Variants in HMCN1 observed in about 807,000 individuals in gnomAD.
The protein encoded by HMCN1 is hemicentin-1.
HMCN1 carries 321 observed loss-of-function variants against 625.9 expected under a neutral mutation model. That is an observed-to-expected ratio of 0.51 (90% CI 0.47 to 0.56). The LOEUF (loss-of-function observed/expected upper bound fraction) is 0.56, where lower values mean the gene tolerates loss of function less well. Ranked by LOEUF, HMCN1 falls within the 20% of genes least tolerant of loss-of-function variation. The pLI is 0.00. For synonymous variants in HMCN1, 2,425 were observed against 2,417.6 expected (o/e 1.00, Z -0.09); for missense variants, 6,588 against 6,887.3 (o/e 0.96, Z 1.54).
chr1:186,160,744 T>C (rs1651404890), intron 97 of HMCN1, among the ~76,000 whole-genome samples: 1 of 152,176 alleles, frequency 6.6e-6, no homozygotes, highest in African/African-American at 2.4e-5. Flanking sequence ...AGTGAGTTTC[T>C]TAATCCTGAG....
At chr1:185,778,459 T>G (rs1345079923) in intron 1 of HMCN1, among the ~76,000 whole-genome samples, 1 of 151,436 alleles carries the variant, frequency 6.6e-6, no homozygotes, top group Non-Finnish European at 1.5e-5. Context: ...AACTCGTCAT[T>G]TACATTAGAT....
intron 30 of HMCN1, among the ~76,000 whole-genome samples, chr1:186,008,576 A>G (rs865973042): frequency 5.9e-5 from 9 of 152,132 alleles, no homozygotes; most frequent in Middle Eastern, 3.2e-3. Context: ...AGTAATTAAT[A>G]AGAGTTTGTG....
At chr1:185,794,152 G>T (rs1295793266) in intron 1 of HMCN1, among the ~76,000 whole-genome samples, 2 of 151,776 alleles carry the variant, frequency 1.3e-5, no homozygotes, top group Non-Finnish European at 2.9e-5. Flanking sequence ...TTGCCATTTT[G>T]TTTTTCACCT....
chr1:185,813,393 G>A (rs977936059), intron 1 of HMCN1, among the ~76,000 whole-genome samples: 2 of 152,072 alleles, frequency 1.3e-5, no homozygotes, highest in African/African-American at 2.4e-5. Flanking sequence ...GAAACAGTAC[G>A]ATGTCAGTGT....
intron 1 of HMCN1, among the ~76,000 whole-genome samples, chr1:185,754,622 G>A (rs979058979): frequency 9.2e-5 from 14 of 152,192 alleles, no homozygotes; most frequent in Non-Finnish European, 1.6e-4. Context: ...GTAAAGAGAG[G>A]TGATATCACA....
intron 1 of HMCN1, among the ~76,000 whole-genome samples, chr1:185,744,615 A>T (rs1354959709): frequency 6.6e-6 from 1 of 152,216 alleles, no homozygotes; most frequent in East Asian, 1.9e-4. Flanking sequence ...ATTACAATAT[A>T]CTATACTATG....
chr1:186,039,708 C>A lies in HMCN1; in HGVS notation c.6029-20C>A, dbSNP rs1656080805. ...AATCCTGTGATATTAACGTGTCTTA[C>A]TTTCATTTGTTTTTTTCAGTGGCCC... is the stretch of plus-strand genomic sequence containing the variant. On this transcript the variant is annotated intron_variant, in intron 38 of 106. Coordinates refer to ENST00000271588, the MANE Select transcript of HMCN1 (RefSeq NM_031935.3). The A allele has an allele frequency of 1.2e-6, 2 of 1,612,178 alleles. No homozygotes were observed. Among genetic ancestry groups the A allele is most frequent in the African/African-American group, 2.7e-5 (2 of 74,936 alleles).
intron 1 of HMCN1, among the ~76,000 whole-genome samples, chr1:185,735,459 A>AG (rs1432557060): frequency 6.6e-6 from 1 of 152,210 alleles, no homozygotes; most frequent in Non-Finnish European, 1.5e-5. Context: ...GCACACTCTG[A>AG]GGGTAACTCT....
intron 103 of HMCN1, chr1:186,177,371 G>A (rs1652664598): frequency 6.6e-6 from 1 of 151,828 alleles, no homozygotes; most frequent in African/African-American, 2.4e-5. Context: ...TCAGGCTGAG[G>A]AGAAGCCAGG....
chr1:186,104,625 A>G (rs1021829835), intron 69 of HMCN1, among the ~76,000 whole-genome samples: 31 of 152,152 alleles, frequency 2.0e-4, no homozygotes, highest in African/African-American at 7.5e-4. Context: ...TGTCTATCCC[A>G]CAAATCCAAA....
At position 186,087,694 on chromosome 1, in the gene HMCN1, T is replaced by A. The variant is rs751549626; in HGVS notation, c.9363+49T>A. ...GTGTCATGACACCTTGGTGGGGTGG[T>A]GGAAAAGATGCTTGGAAGTTGCATA... On this transcript the variant is annotated intron_variant, in intron 60 of 106. Coordinates refer to ENST00000271588, the MANE Select transcript of HMCN1 (RefSeq NM_031935.3). The A allele has an allele frequency of 9.7e-6, 15 of 1,543,536 alleles. No homozygotes were observed. The African/African-American group carries it at 1.9e-4, about 20-fold the overall frequency.
At chr1:185,879,099 C>G (rs1025287612) in intron 4 of HMCN1, among the ~76,000 whole-genome samples, 2 of 152,200 alleles carry the variant, frequency 1.3e-5, no homozygotes, top group Admixed American at 6.5e-5. Context: ...GCTTTCCATT[C>G]TATTTTCATA....
chr1:185,853,737 G>A (rs1459725608), intron 2 of HMCN1, among the ~76,000 whole-genome samples: 1 of 152,116 alleles, frequency 6.6e-6, no homozygotes, highest in African/African-American at 2.4e-5. Context: ...AAACTTCAAA[G>A]GACAAAGAAT....
intron 105 of HMCN1, 124 bp from the exon 106 acceptor site, chr1:186,187,759 T>C (rs1653434448): frequency 7.7e-7 from 1 of 1,290,748 alleles, no homozygotes; most frequent in South Asian, 1.2e-5. Flanking sequence ...TAGGTATGAC[T>C]AAGTTCATTC....
intron 52 of HMCN1, among the ~76,000 whole-genome samples, chr1:186,072,700 G>A (rs1045304740): frequency 6.6e-6 from 1 of 152,062 alleles, no homozygotes; most frequent in Non-Finnish European, 1.5e-5. Flanking sequence ...AATAATAGAG[G>A]GCAAAATATT....
intron 1 of HMCN1, among the ~76,000 whole-genome samples, chr1:185,837,382 G>A (rs770337898): frequency 2.2e-4 from 33 of 151,662 alleles, no homozygotes; most frequent in African/African-American, 7.3e-4. Context: ...CTTTGTTCCC[G>A]TTGTTTTTTT....
chr1:186,044,557 C>T (rs1186606915), intron 40 of HMCN1, among the ~76,000 whole-genome samples: 1 of 152,082 alleles, frequency 6.6e-6, no homozygotes, highest in African/African-American at 2.4e-5. Flanking sequence ...AGTATCAAGC[C>T]TGAAACAATG....
intron 17 of HMCN1, among the ~76,000 whole-genome samples, chr1:185,981,874 C>T (rs1033543270): frequency 2.0e-5 from 3 of 152,094 alleles, no homozygotes; most frequent in African/African-American, 4.8e-5. Context: ...TTCCAGTGTA[C>T]TTACAGTTTT....
chr1:185,837,335 T>A (rs1343352471), intron 1 of HMCN1, among the ~76,000 whole-genome samples: 1 of 152,074 alleles, frequency 6.6e-6, no homozygotes, highest in Non-Finnish European at 1.5e-5. Context: ...TCAAATTTGC[T>A]GAAGTTTGCA....
Sources: allele counts gnomAD v4.1 joint callset (sites outside exome capture counted in the v4.1 genomes callset), GRCh38; gene constraint gnomAD v4.1.1; transcripts MANE v1.5; gene names NCBI Gene and HGNC (gene_info 2026-07-23, HGNC 2026-07-21).